The following CNTNAP2 variants were observed in gnomAD, a reference collection of about 807,000 sequenced individuals.
CNTNAP2 encodes contactin-associated protein-like 2.
Under a neutral mutation model 155.2 loss-of-function variants are expected in CNTNAP2, and 98 were observed. That is an observed-to-expected ratio of 0.63 (90% CI 0.54 to 0.75). The LOEUF (loss-of-function observed/expected upper bound fraction) is 0.75, where lower values mean the gene tolerates loss of function less well. Among genes scored for constraint, CNTNAP2 ranks in the 30% least tolerant of loss-of-function variants. CNTNAP2 has a pLI of 0.00. For synonymous variants in CNTNAP2, 651 were observed against 631.2 expected, an observed-to-expected ratio of 1.03 and a Z score of -0.47; for missense variants, 1,727 against 1,688.1, an observed-to-expected ratio of 1.02 and a Z score of -0.40.
At chr7:146,652,870 G>C (rs552790732) in intron 1 of CNTNAP2, among the ~76,000 whole-genome samples, 1 of 152,112 alleles carries the variant, frequency 6.6e-6, no homozygotes, top group Non-Finnish European at 1.5e-5. Context: ...CTTCGTTGTC[G>C]TGAAGAAGGC....
At chr7:146,418,992 A>G (rs1480137856) in intron 1 of CNTNAP2, among the ~76,000 whole-genome samples, 1 of 152,104 alleles carries the variant, frequency 6.6e-6, no homozygotes, top group African/African-American at 2.4e-5. Flanking sequence ...TTAATTTTGC[A>G]CTTCTAGCCT....
chr7:147,425,552 C>T (rs1437384722), intron 10 of CNTNAP2, among the ~76,000 whole-genome samples: 1 of 152,048 alleles, frequency 6.6e-6, no homozygotes, highest in East Asian at 1.9e-4. Context: ...TCCAGCCCAA[C>T]CTCACAATCA....
intron 1 of CNTNAP2, among the ~76,000 whole-genome samples, chr7:146,562,294 T>C (rs1484149818): frequency 1.3e-5 from 2 of 152,078 alleles, no homozygotes; most frequent in African/African-American, 2.4e-5. Context: ...ATTTTACTTA[T>C]ATTTTTAAAA....
intron 4 of CNTNAP2, chr7:147,083,313 C>T (rs548540617): frequency 7.9e-5 from 12 of 152,006 alleles, no homozygotes; most frequent in African/African-American, 2.4e-4. Context: ...AACGTAGTTT[C>T]GAGAGCCTTC....
intron 11 of CNTNAP2, among the ~76,000 whole-genome samples, chr7:147,513,877 G>T (rs902024551): frequency 2.0e-5 from 3 of 152,180 alleles, no homozygotes. Context: ...TATCAGACAA[G>T]AACAGGATCA....
At chr7:147,801,471 C>T (rs886853200) in intron 13 of CNTNAP2, among the ~76,000 whole-genome samples, 3 of 151,790 alleles carry the variant, frequency 2.0e-5, no homozygotes, top group Non-Finnish European at 2.9e-5. Context: ...CACCCTGCGG[C>T]CTTCCGCAGT....
intron 3 of CNTNAP2, among the ~76,000 whole-genome samples, chr7:146,955,463 C>G (rs759053860): frequency 6.6e-6 from 1 of 151,944 alleles, no homozygotes; most frequent in African/African-American, 2.4e-5. Flanking sequence ...AAACAAAAAT[C>G]TTTTCTAACC....
chr7:147,220,164 G>A (rs1184880102), intron 8 of CNTNAP2, among the ~76,000 whole-genome samples: 2 of 151,932 alleles, frequency 1.3e-5, no homozygotes, highest in Non-Finnish European at 2.9e-5. Context: ...CATACTTTTG[G>A]AGGGACAAAT....
chr7:147,702,593 G>A (rs1796252482), intron 13 of CNTNAP2, among the ~76,000 whole-genome samples: 1 of 151,934 alleles, frequency 6.6e-6, no homozygotes, highest in African/African-American at 2.4e-5. Flanking sequence ...AACCCCACCT[G>A]AGAGCCAGAA....
chr7:147,964,379 A>C (rs1238248805), intron 14 of CNTNAP2, among the ~76,000 whole-genome samples: 2 of 152,204 alleles, frequency 1.3e-5, no homozygotes, highest in African/African-American at 4.8e-5. Context: ...TTGGTCATCA[A>C]GATTTTGTTC....
rs868796481 is a variant in CNTNAP2 at position 146,822,658 on chromosome 7, A to G, written c.209-17053A>G. 1.6e-4 allele frequency among the ~76,000 whole-genome samples: 23 copies of G among 147,470 alleles called. 1 individual carries two copies. Among genetic ancestry groups the G allele is most frequent in the Admixed American group, 6.8e-4 (10 of 14,634 alleles). On this transcript the variant is annotated intron_variant, in intron 2 of 23. Coordinates refer to ENST00000361727, the MANE Select transcript of CNTNAP2 (RefSeq NM_014141.6). The stretch of plus-strand genomic sequence containing the variant: ...TTATCAAAATACTAATAAATATTTA[A>G]ATATAAATATACTTATTCTTAAGCA...
chr7:146,739,073 A>T (rs1801666801), intron 1 of CNTNAP2, among the ~76,000 whole-genome samples: 1 of 151,698 alleles, frequency 6.6e-6, no homozygotes, highest in African/African-American at 2.4e-5. Flanking sequence ...TTATCTTTCT[A>T]AAAAAATCAA....
chr7:146,796,224 T>C (rs1234381707), intron 2 of CNTNAP2, among the ~76,000 whole-genome samples: 1 of 152,196 alleles, frequency 6.6e-6, no homozygotes, highest in Non-Finnish European at 1.5e-5. Flanking sequence ...ACCACCAGAT[T>C]TGTATGCTTG....
At chr7:146,980,139 G>GATGAA (rs1424655805) in intron 3 of CNTNAP2, among the ~76,000 whole-genome samples, 1 of 152,044 alleles carries the variant, frequency 6.6e-6, no homozygotes, top group African/African-American at 2.4e-5. Context: ...GGCAGAGGAG[G>GATGAA]ATGAAAATGA....
intron 18 of CNTNAP2, among the ~76,000 whole-genome samples, chr7:148,212,821 G>A (rs10271935): frequency 0.066 from 10,058 of 152,206 alleles, 549 homozygotes; most frequent in African/African-American, 0.15. Context: ...GCCTTAGAGG[G>A]CTTACATCAC....
intron 1 of CNTNAP2, among the ~76,000 whole-genome samples, chr7:146,129,111 T>C (rs1441270125): frequency 6.6e-6 from 1 of 152,198 alleles, no homozygotes; most frequent in Non-Finnish European, 1.5e-5. Flanking sequence ...AGTCTTCATA[T>C]TGTGATAAAA....
At chr7:147,643,504 C>A (rs1401807350) in intron 13 of CNTNAP2, 1 of 152,140 alleles carries the variant, frequency 6.6e-6, no homozygotes, top group Non-Finnish European at 1.5e-5. Flanking sequence ...TAATAAAAAT[C>A]TTTAATTTGT....
intron 13 of CNTNAP2, among the ~76,000 whole-genome samples, chr7:147,753,239 A>G (rs966248847): frequency 6.6e-6 from 1 of 152,154 alleles, no homozygotes; most frequent in Non-Finnish European, 1.5e-5. Context: ...GCTCCTTGGA[A>G]TTTTTCTTGG....
At chr7:148,037,723 T>C (rs917063598) in intron 15 of CNTNAP2, among the ~76,000 whole-genome samples, 2 of 152,272 alleles carry the variant, frequency 1.3e-5, no homozygotes, top group Non-Finnish European at 2.9e-5. Flanking sequence ...TTCTATTTTA[T>C]TATTCTCATA....
Sources: allele counts gnomAD v4.1 joint callset (sites outside exome capture counted in the v4.1 genomes callset), GRCh38; gene constraint gnomAD v4.1.1; transcripts MANE v1.5; gene names NCBI Gene and HGNC (gene_info 2026-07-23, HGNC 2026-07-21).